PLEKHA6: variants seen among roughly 807,000 people sequenced by gnomAD.
PLEKHA6 encodes the protein pleckstrin homology domain containing A6, also known as pleckstrin homology domain-containing family A member 6.
In PLEKHA6, 60 loss-of-function variants were observed where a neutral mutation model predicts 116.7. The observed-to-expected ratio is 0.51, with a 90% confidence interval of 0.42 to 0.64. The LOEUF (loss-of-function observed/expected upper bound fraction) is 0.64. Among genes scored for constraint, PLEKHA6 ranks in the 30% least tolerant of loss-of-function variants. PLEKHA6 has a pLI of 0.00. For synonymous variants in PLEKHA6, 489 were observed against 556.1 expected, an observed-to-expected ratio of 0.88 and a Z score of 1.70; for missense variants, 1,338 against 1,422.7, an observed-to-expected ratio of 0.94 and a Z score of 0.96.
At chr1:204,270,114 G>A (rs1667293118) in intron 3 of PLEKHA6, among the ~76,000 whole-genome samples, 1 of 152,196 alleles carries the variant, frequency 6.6e-6, no homozygotes, top group South Asian at 2.1e-4. Flanking sequence ...GCACTGGGCA[G>A]TCTTAACCTT....
chr1:204,292,759 A>G (rs1360085153), intron 1 of PLEKHA6, among the ~76,000 whole-genome samples: 1 of 152,222 alleles, frequency 6.6e-6, no homozygotes, highest in African/African-American at 2.4e-5. Context: ...AACTAAGGGG[A>G]GCACTGCAAG....
At chr1:204,301,302 T>C in intron 1 of PLEKHA6, 1 of 959,636 alleles carries the variant, frequency 1.0e-6, no homozygotes, top group African/African-American at 1.8e-5. Context: ...GTCTGGAGAG[T>C]CTCTGGGTTC....
At chr1:204,285,633 G>A (rs1444605535) in intron 1 of PLEKHA6, among the ~76,000 whole-genome samples, 5 of 152,072 alleles carry the variant, frequency 3.3e-5, no homozygotes, top group African/African-American at 4.8e-5. Context: ...GGGCCACCAC[G>A]CTTGGCTAAT....
At chr1:204,263,918 A>T (rs1163286229) in intron 6 of PLEKHA6, among the ~76,000 whole-genome samples, 1 of 152,114 alleles carries the variant, frequency 6.6e-6, no homozygotes, top group Non-Finnish European at 1.5e-5. Context: ...TTATGTGCCA[A>T]ATAAGTCCTT....
chr1:204,286,745 C>T lies in PLEKHA6; in HGVS notation c.-94-11936G>A, dbSNP rs754462531. ...AAATAACAATCCCAGTATACTTCTCCTGGGAGTGTAGGGATGGAGGTTGGC... is the reference window on the plus strand; with the variant it reads ...AAATAACAATCCCAGTATACTTCTCTTGGGAGTGTAGGGATGGAGGTTGGC... On this transcript the variant is annotated intron_variant, in intron 1 of 22. Coordinates refer to ENST00000272203, the MANE Select transcript of PLEKHA6 (RefSeq NM_014935.5). Among the ~76,000 whole-genome samples the T allele has an allele frequency of 1.5e-4, 23 of 152,326 alleles. No individual in the cohort carries two copies. The South Asian group carries it at 2.5e-3, about 16-fold the overall frequency.
chr1:204,310,405 A>G (rs900024840), intron 1 of PLEKHA6, among the ~76,000 whole-genome samples: 1 of 152,246 alleles, frequency 6.6e-6, no homozygotes, highest in East Asian at 1.9e-4. Context: ...TGACTCTTCT[A>G]TTTCAGTCTC....
intron 1 of PLEKHA6, among the ~76,000 whole-genome samples, chr1:204,279,488 T>C (rs1253040782): frequency 6.6e-6 from 1 of 152,220 alleles, no homozygotes; most frequent in Non-Finnish European, 1.5e-5. Context: ...ATCCGTTTTC[T>C]CCTTCTTCTC....
intron 1 of PLEKHA6, chr1:204,297,274 T>C: frequency 8.0e-6 from 7 of 872,714 alleles, no homozygotes; most frequent in Non-Finnish European, 8.3e-6. Context: ...TGTCTAAATG[T>C]AAATTTCTCT....
At chr1:204,226,250 T>C (rs1039836458) in intron 21 of PLEKHA6, among the ~76,000 whole-genome samples, 1 of 152,172 alleles carries the variant, frequency 6.6e-6, no homozygotes, top group Non-Finnish European at 1.5e-5. Flanking sequence ...CAGCCCTTTT[T>C]TAAATAGTTG....
At chr1:204,364,195 GT>G (rs1673611411), upstream of PLEKHA6, among the ~76,000 whole-genome samples, 1 of 152,222 alleles carries the variant, frequency 6.6e-6, no homozygotes, top group South Asian at 2.1e-4. Context: ...AGTCGTTTGA[GT>G]TTCTAACTCA....
At chr1:204,249,005 T>TCTGG (rs1479809903) in intron 11 of PLEKHA6, 35 bp from the exon 12 acceptor site, 5 of 1,607,984 alleles carry the variant, frequency 3.1e-6, no homozygotes, top group African/African-American at 1.3e-5. Flanking sequence ...TGAGCAGCCC[T>TCTGG]GACAGCTCCT....
intron 10 of PLEKHA6, among the ~76,000 whole-genome samples, 175 bp downstream of exon 10, chr1:204,250,371 C>T (rs982978391): frequency 2.6e-5 from 4 of 152,056 alleles, no homozygotes; most frequent in African/African-American, 9.7e-5. Flanking sequence ...TAGGCAGAAT[C>T]TTGTTGTGGT....
chr1:204,257,985 G>T lies in PLEKHA6; in HGVS notation c.1008-116C>A. 1 of 865,738 alleles carries T rather than the reference G, an allele frequency of 1.2e-6. No individual in the cohort carries two copies. The highest frequency in any genetic ancestry group is 2.5e-5 in the East Asian group (1 of 39,892). 53.6% of individuals were successfully genotyped at this position (865,738 alleles called of 1,614,324 possible). A position where few individuals can be genotyped will look rare whatever the true frequency, so the allele number is the denominator to read the frequency against. Reference sequence around the variant, plus strand: ...CAGGGTGCTTGAATAGGTACACAGGGGCTGAGGTTTATTCCAGAGATGAGG... The same window carrying T: ...CAGGGTGCTTGAATAGGTACACAGGTGCTGAGGTTTATTCCAGAGATGAGG... On this transcript the variant is annotated intron_variant, in intron 8 of 22. Coordinates refer to ENST00000272203, the MANE Select transcript of PLEKHA6 (RefSeq NM_014935.5). The surrounding 1 kb of genome is among the most constrained non-coding windows in gnomAD (Gnocchi z 6.5).
intron 17 of PLEKHA6, among the ~76,000 whole-genome samples, chr1:204,234,157 C>A (rs1340429615): frequency 2.2e-4 from 33 of 152,086 alleles, no homozygotes; most frequent in Admixed American, 2.2e-3. Flanking sequence ...TGATGGGTAT[C>A]CTTACATGGG....
At chr1:204,263,668 C>A (rs1264115286) in intron 6 of PLEKHA6, among the ~76,000 whole-genome samples, 1 of 152,056 alleles carries the variant, frequency 6.6e-6, no homozygotes, top group Non-Finnish European at 1.5e-5. Context: ...GCTGGCAGAG[C>A]TCCGAGCTGG....
rs1369250808 is a variant in PLEKHA6, at chr1:204,250,634, G to A, written c.1525-20C>T. On this transcript the variant is annotated intron_variant, in intron 9 of 22. Transcript: ENST00000272203. ...AGGGACCTGCAGGAACATGAGGCCG[G>A]TTACTGCAGCAGGGGCAGGATGAGG... The A allele has an allele frequency of 6.3e-7, 1 of 1,584,892 alleles. No homozygotes were observed. The highest frequency in any genetic ancestry group is 1.1e-5 in the South Asian group (1 of 90,096).
At chr1:204,318,672 G>T (rs1671949267) in intron 1 of PLEKHA6, among the ~76,000 whole-genome samples, 1 of 152,202 alleles carries the variant, frequency 6.6e-6, no homozygotes, top group African/African-American at 2.4e-5. Context: ...AAAGTCCAGA[G>T]CTTTCTACTA....
intron 1 of PLEKHA6, among the ~76,000 whole-genome samples, chr1:204,303,715 G>A (rs2103101498): frequency 6.6e-6 from 1 of 152,178 alleles, no homozygotes; most frequent in African/African-American, 2.4e-5. Context: ...TTATTTTGGG[G>A]TACGGGGGTG....
intron 15 of PLEKHA6, among the ~76,000 whole-genome samples, chr1:204,244,194 C>T (rs941136114): frequency 6.6e-6 from 1 of 151,760 alleles, no homozygotes; most frequent in Non-Finnish European, 1.5e-5. Flanking sequence ...TACAGTGGTG[C>T]GATCTTGGTT....
Sources: gnomAD v4.1 joint callset for allele counts (sites outside exome capture counted in the v4.1 genomes callset) on GRCh38, gnomAD v4.1.1 for gene constraint, Gnocchi (gnomAD v3.1) non-coding constraint, MANE v1.5 for transcripts, NCBI Gene and HGNC (gene_info 2026-07-23, HGNC 2026-07-21) for gene names.